The following SEMA6C variants were observed in gnomAD, a reference collection of about 807,000 sequenced individuals.
The protein encoded by SEMA6C is semaphorin-6C.
In SEMA6C, 37 loss-of-function variants were observed where a neutral mutation model predicts 72.9. The observed-to-expected ratio is 0.51, with a 90% CI of 0.39 to 0.67. The LOEUF (loss-of-function observed/expected upper bound fraction) is 0.67. Among genes scored for constraint, SEMA6C ranks in the 30% least tolerant of loss-of-function variants. SEMA6C has a pLI of 0.00. For missense variants in SEMA6C, 1,189 were observed against 1,263.6 expected (o/e 0.94, Z 0.89); for synonymous variants, 578 against 554.1 (o/e 1.04, Z -0.61).
At chr1:151,139,340 T>C in intron 6 of SEMA6C, 85 bp downstream of exon 6, 2 of 1,108,480 alleles carry the variant, frequency 1.8e-6, no homozygotes, top group East Asian at 4.7e-5. Context: ...GTGAAGGAAA[T>C]TGGGCATAGT....
Position 151,136,057 on chromosome 1 carries a change from C to T in SEMA6C, c.1213G>A (p.Ala405Thr), listed in dbSNP as rs747297619. Residue 405 changes from alanine (A) to threonine (T), a missense_variant, in exon 13 of 19, where the codon GCT (alanine) becomes ACT (threonine). Physicochemically the swap from Ala to Thr is moderately conservative, Grantham distance 58. Coordinates refer to ENST00000368914, the MANE Select transcript of SEMA6C (RefSeq NM_030913.6). ...GGCTGATGGGTGACAGGTGGTACAGCGGGGTCCAGCAGCGGGTGAGCCTTG... is the reference window on the plus strand; with the variant it reads ...GGCTGATGGGTGACAGGTGGTACAGTGGGGTCCAGCAGCGGGTGAGCCTTG... The part of the protein sequence containing the change: ...FIKAHPLLDP[A>T]VPPVTHQPLL... 5.6e-6 allele frequency: 9 copies of T among 1,613,884 alleles called. No individual in the cohort carries two copies. Among genetic ancestry groups the T allele is most frequent in the Admixed American group, 1.7e-5 (1 of 59,974 alleles).
Position 151,133,012 on chromosome 1 carries a change from G to T in SEMA6C, c.2265C>A (p.Pro755=), listed in dbSNP as rs1199268678. The T allele has an allele frequency of 2.8e-6, 4 of 1,405,302 alleles. No homozygotes were observed. The South Asian group carries it at 5.2e-5, about 18-fold the overall frequency. 87.1% of individuals were successfully genotyped at this position (1,405,302 alleles called of 1,614,324 possible). A position where few individuals can be genotyped will look rare whatever the true frequency, so the allele number is the denominator to read the frequency against. ...APRVLVRPPP[P]GCPGQAVEVT... ...CTTCCACGGCCTGCCCGGGACAGCC[G>T]GGCGGCGGTGGCCTCACCAGCACGC... The change falls in exon 19 of 19, where the codon CCC becomes CCA. Residue 755 remains proline, a synonymous_variant. Transcript: ENST00000368914. The surrounding 1 kb of genome is among the most constrained non-coding windows in gnomAD (Gnocchi z 5.9).
chr1:151,144,731 A>C (rs1682806987), intron 1 of SEMA6C, among the ~76,000 whole-genome samples: 1 of 152,028 alleles, frequency 6.6e-6, no homozygotes, highest in Admixed American at 6.6e-5. Context: ...CATGGCGACC[A>C]CTCCCATGTT....
In SEMA6C at chr1:151,133,368, C is replaced by T. The variant is rs1244487727; in HGVS notation, c.1909G>A (p.Gly637Ser). 1 of 1,600,502 alleles carries T rather than the reference C, an allele frequency of 6.2e-7. No homozygotes were observed. Among genetic ancestry groups the T allele is most frequent in the Admixed American group, 1.7e-5 (1 of 59,430 alleles). ...CACRRAHRRR[G>S]KDIETPGLPR... ...AGCCCCGGAGTCTCGATGTCCTTGC[C>T]CCGACGTCGGTGGGCGCGGCGACAA... Residue 637 changes from glycine (G) to serine (S), a missense_variant, in exon 19 of 19, where the codon GGC becomes AGC. Gly to Ser is a moderately conservative substitution (Grantham distance 56). Transcript: ENST00000368914. The surrounding 1 kb of genome is among the most constrained non-coding windows in gnomAD (Gnocchi z 5.9).
At chr1:151,135,837 C>T (rs1681975141) in intron 13 of SEMA6C, 73 bp from the exon 14 acceptor site, 1 of 1,560,420 alleles carries the variant, frequency 6.4e-7, no homozygotes, top group East Asian at 2.2e-5. Flanking sequence ...GCCCAACTGC[C>T]TTGGTAGCTG....
intron 3 of SEMA6C, among the ~76,000 whole-genome samples, chr1:151,140,634 G>A (rs1047238175): frequency 1.3e-5 from 2 of 152,164 alleles, no homozygotes; most frequent in Admixed American, 6.6e-5. Context: ...TGGCCTGATC[G>A]TGGTGGAAAC....
rs1425508169 is a variant in SEMA6C at position 151,145,200 on chromosome 1, TG to T, written c.-104-767del. On this transcript the variant is annotated intron_variant, in intron 1 of 18. Coordinates refer to ENST00000368914, the MANE Select transcript of SEMA6C (RefSeq NM_030913.6). This position sits in a 1 kb window ranked among gnomAD's most constrained non-coding sequence, Gnocchi z 4.4. ...TCCCCTTTCCAGATCCTCCCGTTGCTGGGAAGAGGAAACAGCCCTTCTCTCT... is the reference window on the plus strand; with the variant it reads ...TCCCCTTTCCAGATCCTCCCGTTGCTGGAAGAGGAAACAGCCCTTCTCTCT... The T allele has an allele frequency of 2.0e-5, 3 of 152,256 alleles. No homozygotes were observed. Among genetic ancestry groups the T allele is most frequent in the Non-Finnish European group, 4.4e-5 (3 of 68,110 alleles). The allele number at this position is 152,256 out of a possible 1,614,324, so 9.4% of individuals were successfully genotyped here. A position where few individuals can be genotyped will look rare whatever the true frequency, so the allele number is the denominator to read the frequency against.
At position 151,133,388 on chromosome 1, in the gene SEMA6C, C is replaced by T; in HGVS notation, c.1889G>A (p.Arg630His). The change falls in exon 19 of 19, where the codon CGC becomes CAC. Residue 630 changes from arginine to histidine, a missense_variant. Arg to His is a conservative substitution (Grantham distance 29). Transcript: ENST00000368914. This position sits in a 1 kb window ranked among gnomAD's most constrained non-coding sequence, Gnocchi z 5.9. The stretch of plus-strand genomic sequence containing the variant: ...CTTGCCCCGACGTCGGTGGGCGCGG[C>T]GACAAGCACAGGAGACCAGGAGGCC... ...VSGLLVSCAC[R>H]RAHRRRGKDI... 2 of 1,599,048 alleles carry T rather than the reference C, an allele frequency of 1.3e-6. No individual in the cohort carries two copies. The highest frequency in any genetic ancestry group is 8.5e-7 in the Non-Finnish European group (1 of 1,175,388).
Position 151,131,999 on chromosome 1 carries a change from C to T in SEMA6C, c.*485G>A. The T allele has an allele frequency of 6.2e-6, 2 of 325,170 alleles. No individual in the cohort carries two copies. Among genetic ancestry groups the T allele is most frequent in the Non-Finnish European group, 1.2e-5 (2 of 169,646 alleles). The allele number at this position is 325,170 out of a possible 1,614,324, so 20.1% of individuals were successfully genotyped here. A position where few individuals can be genotyped will look rare whatever the true frequency, so the allele number is the denominator to read the frequency against. On this transcript the variant is annotated 3_prime_UTR_variant, in exon 19 of 19. Transcript: ENST00000368914. ...AGATGAAGGCAGAGAGCGAGGGCGCCCAGAGCGAGCCGACCGACTGCCGCC... is the reference window on the plus strand; with the variant it reads ...AGATGAAGGCAGAGAGCGAGGGCGCTCAGAGCGAGCCGACCGACTGCCGCC...
chr1:151,139,692 A>G lies in SEMA6C; in HGVS notation c.243T>C (p.Val81=), dbSNP rs759444716. 1.2e-6 allele frequency: 2 copies of G among 1,603,988 alleles called. No homozygotes were observed. The highest frequency in any genetic ancestry group is 2.2e-5 in the South Asian group (2 of 90,106). Residue 81 remains valine (V), a synonymous_variant, in exon 5 of 19, where the codon GTT becomes GTC. Coordinates refer to ENST00000368914, the MANE Select transcript of SEMA6C (RefSeq NM_030913.6). ...CTTCGGCTTGAAGATCGAAGGAGAA[A>G]ACGTGATCCCTGAGGGGGTAGGTAA... is the stretch of plus-strand genomic sequence containing the variant. ...RTLLVAARDH[V]FSFDLQAEEE...
intron 4 of SEMA6C, 69 bp downstream of exon 4, chr1:151,139,907 G>T: frequency 7.0e-7 from 1 of 1,434,918 alleles, no homozygotes; most frequent in Non-Finnish European, 9.7e-7. Flanking sequence ...TGCTACAGTG[G>T]CCATACAGGT....
In SEMA6C at chr1:151,133,061, T is replaced by G; in HGVS notation, c.2216A>C (p.His739Pro). Residue 739 changes from histidine (H) to proline (P), a missense_variant, in exon 19 of 19, where the codon CAC becomes CCC. Coordinates refer to ENST00000368914, the MANE Select transcript of SEMA6C (RefSeq NM_030913.6). This position sits in a 1 kb window ranked among gnomAD's most constrained non-coding sequence, Gnocchi z 5.9. ...KEGPGRSRGGHAAGGPAPRVL... is the reference protein window; with the variant it reads ...KEGPGRSRGGPAAGGPAPRVL... ...GCGGGGCGCGGGCCCGCCCGCCGCG[T>G]GCCCGCCCCGTGAGCGGCCCGGACC... 1 of 1,460,500 alleles carries G rather than the reference T, an allele frequency of 6.8e-7. No individual in the cohort carries two copies. Among genetic ancestry groups the G allele is most frequent in the Non-Finnish European group, 8.9e-7 (1 of 1,117,942 alleles). The allele number at this position is 1,460,500 out of a possible 1,614,324, so 90.5% of individuals were successfully genotyped here. A position where few individuals can be genotyped will look rare whatever the true frequency, so the allele number is the denominator to read the frequency against.
chr1:151,135,868 GCCCC>G, intron 13 of SEMA6C, 104 bp from the exon 14 acceptor site: 1 of 1,514,216 alleles, frequency 6.6e-7, no homozygotes, highest in Non-Finnish European at 9.0e-7. Context: ...CTTCCCCCAG[GCCCC>G]AGGGTTGCCT....
At chr1:151,139,092 C>CAAAA (rs887064091) in intron 6 of SEMA6C, among the ~76,000 whole-genome samples, 7 of 53,058 alleles carry the variant, frequency 1.3e-4, no homozygotes, top group African/African-American at 2.1e-4. Flanking sequence ...GACTCCGTCT[C>CAAAA]AAAAAAAAAA....
chr1:151,132,885 C>G lies in SEMA6C; in HGVS notation c.2392G>C (p.Glu798Gln), dbSNP rs1681676928. The G allele has an allele frequency of 5.3e-6, 7 of 1,311,212 alleles. No homozygotes were observed. The Middle Eastern group carries it at 1.5e-3, about 274-fold the overall frequency. 81.2% of individuals were successfully genotyped at this position (1,311,212 alleles called of 1,614,324 possible). The change falls in exon 19 of 19, where the codon GAG becomes CAG. Residue 798 changes from glutamate (E) to glutamine (Q), a missense_variant. Coordinates refer to ENST00000368914, the MANE Select transcript of SEMA6C (RefSeq NM_030913.6). ...APLTSRALPP[E>Q]PAPALLGGPS... Reference sequence around the variant, plus strand: ...CCGCCCAAGAGGGCGGGGGCGGGCTCCGGCGGGAGCGCCCGCGAGGTTAAA... The same window carrying G: ...CCGCCCAAGAGGGCGGGGGCGGGCTGCGGCGGGAGCGCCCGCGAGGTTAAA...
Position 151,138,673 on chromosome 1 carries a change from G to A in SEMA6C, c.413C>T (p.Ala138Val), listed in dbSNP as rs762217199. ...AGGGCTGAATGAGTTCGTTCCACAG[G>A]CAAGGAGCGTCTGGGAGTCCCAGGG... ...LVPWDSQTLL[A>V]CGTNSFSPVC... Residue 138 changes from alanine (A) to valine (V), a missense_variant, in exon 7 of 19, where the codon GCC becomes GTC. Physicochemically the swap from Ala to Val is moderately conservative, Grantham distance 64. Coordinates refer to ENST00000368914, the MANE Select transcript of SEMA6C (RefSeq NM_030913.6). 2.5e-6 allele frequency: 4 copies of A among 1,614,074 alleles called. No homozygotes were observed. In the African/African-American group the frequency reaches 5.3e-5, roughly 22 times the overall value.
At chr1:151,142,385 G>C in intron 3 of SEMA6C, 119 bp downstream of exon 3, 1 of 1,110,464 alleles carries the variant, frequency 9.0e-7, no homozygotes, top group East Asian at 2.5e-5. Context: ...CCTTCTTTTT[G>C]CTGGTCTGGC....
chr1:151,139,065 T>C (rs2101634682), intron 6 of SEMA6C, among the ~76,000 whole-genome samples: 1 of 142,264 alleles, frequency 7.0e-6, no homozygotes, highest in African/African-American at 2.6e-5. Flanking sequence ...TGCACTCCAG[T>C]CTGGGCAACA....
chr1:151,131,771 T>G lies in SEMA6C; in HGVS notation c.*713A>C, dbSNP rs1681553098. 6.3e-6 allele frequency: 1 copy of G among 158,396 alleles called. No homozygotes were observed. The highest frequency in any genetic ancestry group is 1.7e-4 in the South Asian group (1 of 5,880). The allele number at this position is 158,396 out of a possible 1,614,324, so 9.8% of individuals were successfully genotyped here. A position where few individuals can be genotyped will look rare whatever the true frequency, so the allele number is the denominator to read the frequency against. The stretch of plus-strand genomic sequence containing the variant: ...CCCTCCGCCGCCCCATCCCATAGAC[T>G]AGGCCTTTAAGAAAGTCCCTCTTAC... On this transcript the variant is annotated 3_prime_UTR_variant, in exon 19 of 19. Coordinates refer to ENST00000368914, the MANE Select transcript of SEMA6C (RefSeq NM_030913.6).
Sources: allele counts gnomAD v4.1 joint callset (sites outside exome capture counted in the v4.1 genomes callset), GRCh38; gene constraint gnomAD v4.1.1; non-coding constraint Gnocchi (gnomAD v3.1); transcripts MANE v1.5; gene names NCBI Gene and HGNC (gene_info 2026-07-23, HGNC 2026-07-21).